Variants in DPP10 observed in about 807,000 individuals in gnomAD.
The protein encoded by DPP10 is dipeptidyl peptidase like 10.
A neutral mutation model predicts 120.9 loss-of-function variants in DPP10; 33 were observed. The observed-to-expected ratio is 0.27, with a 90% CI of 0.21 to 0.37. The LOEUF is 0.37. DPP10 is among the 10% of genes least tolerant of loss of function. The pLI, the probability that DPP10 is intolerant of heterozygous loss-of-function variation, is 1.00. For missense variants in DPP10, 816 were observed against 942.8 expected (o/e 0.87, Z 1.76); for synonymous variants, 337 against 326.1 (o/e 1.03, Z -0.36).
At chr2:115,438,751 A>G (rs1176041635) in intron 3 of DPP10, among the ~76,000 whole-genome samples, 1 of 150,814 alleles carries the variant, frequency 6.6e-6, no homozygotes, top group Admixed American at 6.6e-5. Flanking sequence ...CACAATGTGG[A>G]ATAGTGGCTA....
chr2:115,043,147 TA>T (rs1482970794), intron 1 of DPP10, among the ~76,000 whole-genome samples: 1 of 152,150 alleles, frequency 6.6e-6, no homozygotes, highest in Admixed American at 6.5e-5. Flanking sequence ...ACTATTTTTT[TA>T]GAGCCTCTGA....
At chr2:115,625,508 A>T (rs1164594657) in intron 5 of DPP10, among the ~76,000 whole-genome samples, 1 of 152,118 alleles carries the variant, frequency 6.6e-6, no homozygotes, top group Non-Finnish European at 1.5e-5. Context: ...GGACAAAGAT[A>T]AACGTTAAGG....
At chr2:114,622,030 A>C (rs1694129342) in intron 1 of DPP10, among the ~76,000 whole-genome samples, 2 of 151,970 alleles carry the variant, frequency 1.3e-5, no homozygotes, top group African/African-American at 4.8e-5. Flanking sequence ...TATAGAGGCT[A>C]TATTGCCTGT....
At chr2:115,533,698 T>A (rs2078614683) in intron 5 of DPP10, among the ~76,000 whole-genome samples, 1 of 152,010 alleles carries the variant, frequency 6.6e-6, no homozygotes, top group South Asian at 2.1e-4. Context: ...TTCACTAATA[T>A]TTCAAAAAAT....
chr2:114,999,207 T>C (rs964323928), intron 1 of DPP10, among the ~76,000 whole-genome samples: 1 of 152,154 alleles, frequency 6.6e-6, no homozygotes, highest in South Asian at 2.1e-4. Flanking sequence ...GTTGACTGAA[T>C]GAGTGAGTGA....
chr2:115,528,875 T>A (rs1400092603), intron 5 of DPP10, among the ~76,000 whole-genome samples: 5 of 98,112 alleles, frequency 5.1e-5, no homozygotes, highest in African/African-American at 1.3e-4. Context: ...TGAGAGCAGC[T>A]TTTTTTGTTT....
rs552612152 is a variant in DPP10 at position 114,684,162 on chromosome 2, G to A, written c.60+241324G>A. 2.6e-5 allele frequency among the ~76,000 whole-genome samples: 4 copies of A among 152,020 alleles called. No individual in the cohort carries two copies. The South Asian group carries it at 6.2e-4, about 24-fold the overall frequency. ...AATTCCAGTGATGGCTGGCTGTAGT[G>A]GGTTTTATTTTTCAGGTAACCCTGA... On this transcript the variant is annotated intron_variant, in intron 1 of 25. Transcript: ENST00000410059.
intron 1 of DPP10, among the ~76,000 whole-genome samples, chr2:114,559,263 C>T (rs996379584): frequency 6.6e-6 from 1 of 152,130 alleles, no homozygotes; most frequent in African/African-American, 2.4e-5. Context: ...AATATAATCA[C>T]AAGAGTCCCC....
chr2:114,893,914 T>C (rs544344468), intron 1 of DPP10, among the ~76,000 whole-genome samples: 106 of 152,330 alleles, frequency 7.0e-4, no homozygotes, highest in Non-Finnish European at 1.3e-3. Context: ...TCCTATCTTC[T>C]GAGTACATAC....
intron 2 of DPP10, among the ~76,000 whole-genome samples, chr2:115,317,226 A>AATCTACTTCTGTTCTCTGAAG (rs577234244): frequency 0.01 from 1,539 of 152,194 alleles, 22 homozygotes; most frequent in African/African-American, 0.036. Context: ...GGCAATCACC[A>AATCTACTTCTGTTCTCTGAAG]ATCTACTTCT....
At chr2:115,229,224 A>G (rs2057605226) in intron 1 of DPP10, among the ~76,000 whole-genome samples, 1 of 152,070 alleles carries the variant, frequency 6.6e-6, no homozygotes, top group African/African-American at 2.4e-5. Flanking sequence ...TTGCATTATT[A>G]GACTTTTTCC....
chr2:115,494,798 G>T (rs944969205), intron 3 of DPP10, among the ~76,000 whole-genome samples: 1 of 152,056 alleles, frequency 6.6e-6, no homozygotes, highest in Non-Finnish European at 1.5e-5. Flanking sequence ...TGAAGATTAT[G>T]TTTGGATTAA....
At chr2:115,125,722 C>A (rs1341343072) in intron 1 of DPP10, among the ~76,000 whole-genome samples, 1 of 151,962 alleles carries the variant, frequency 6.6e-6, no homozygotes, top group Non-Finnish European at 1.5e-5. Flanking sequence ...CAGGTGCCCT[C>A]CACCACACAG....
At chr2:115,546,602 G>A (rs1473029566) in intron 5 of DPP10, among the ~76,000 whole-genome samples, 2 of 151,992 alleles carry the variant, frequency 1.3e-5, no homozygotes, top group Non-Finnish European at 2.9e-5. Context: ...GATAATCATG[G>A]TCCTGATAAA....
chr2:115,217,287 A>G (rs2056889136), intron 1 of DPP10, among the ~76,000 whole-genome samples: 2 of 152,318 alleles, frequency 1.3e-5, no homozygotes, highest in South Asian at 4.1e-4. Flanking sequence ...ATAGCTTTCT[A>G]ATAATACTAA....
chr2:114,534,875 T>C (rs1025170853), intron 1 of DPP10, among the ~76,000 whole-genome samples: 4 of 152,288 alleles, frequency 2.6e-5, no homozygotes, highest in African/African-American at 9.6e-5. Context: ...CCTCTCCTGG[T>C]TCCAAACATG....
chr2:115,630,123 C>T (rs1359265611), intron 5 of DPP10, among the ~76,000 whole-genome samples: 1 of 152,116 alleles, frequency 6.6e-6, no homozygotes, highest in Non-Finnish European at 1.5e-5. Flanking sequence ...TCCTTCACCT[C>T]CCTTGTTAGC....
rs1194127687 is a variant in DPP10, at chr2:115,844,032, G to A, written c.*1687G>A. 2 of 152,502 alleles carry A rather than the reference G, an allele frequency of 1.3e-5. No homozygotes were observed. The highest frequency in any genetic ancestry group is 2.9e-5 in the Non-Finnish European group (2 of 67,988). The allele number at this position is 152,502 out of a possible 1,614,324, so 9.4% of individuals were successfully genotyped here. A position where few individuals can be genotyped will look rare whatever the true frequency, so the allele number is the denominator to read the frequency against. On this transcript the variant is annotated 3_prime_UTR_variant, in exon 26 of 26. Coordinates refer to ENST00000410059, the MANE Select transcript of DPP10 (RefSeq NM_020868.6). The stretch of plus-strand genomic sequence containing the variant: ...ATTCAACTTTTTCCCTGGATGCTTT[G>A]GAATCGTGTCTTCCATGCTCCACTG...
intron 1 of DPP10, among the ~76,000 whole-genome samples, chr2:114,560,506 C>G (rs938147458): frequency 6.6e-6 from 1 of 152,112 alleles, no homozygotes; most frequent in Non-Finnish European, 1.5e-5. Flanking sequence ...GGTAGTCAGG[C>G]CTTTGCTGGT....
Sources: gnomAD v4.1 joint callset for allele counts (sites outside exome capture counted in the v4.1 genomes callset) on GRCh38, gnomAD v4.1.1 for gene constraint, MANE v1.5 for transcripts, NCBI Gene and HGNC (gene_info 2026-07-23, HGNC 2026-07-21) for gene names.